The following UTS2B variants were observed in gnomAD, a reference collection of about 807,000 sequenced individuals.
The protein encoded by UTS2B is urotensin 2B, also known as urotensin-2B.
Under a neutral mutation model 19.2 loss-of-function variants are expected in UTS2B, and 21 were observed. The observed-to-expected ratio is 1.09, with a 90% CI of 0.78 to 1.58. The LOEUF is 1.58. Ranked by LOEUF, UTS2B falls within the 40% of genes most tolerant of loss-of-function variation. The probability of loss-of-function intolerance (pLI) is 0.00; values close to 1 mark genes in which losing one functional copy is unlikely to be tolerated. For missense variants in UTS2B, 138 were observed against 130.3 expected, an observed-to-expected ratio of 1.06 and a Z score of -0.29; for synonymous variants, 57 against 50.2, an observed-to-expected ratio of 1.14 and a Z score of -0.58.
chr3:191,297,055 A>C (rs1236768675), intron 4 of UTS2B, among the ~76,000 whole-genome samples: 1 of 152,058 alleles, frequency 6.6e-6, no homozygotes, highest in Admixed American at 6.5e-5. Context: ...AGAAAAAAAA[A>C]CCTTTTCTTT....
At chr3:191,269,885 C>T (rs1186873073) in intron 8 of UTS2B, among the ~76,000 whole-genome samples, 1 of 152,194 alleles carries the variant, frequency 6.6e-6, no homozygotes, top group Non-Finnish European at 1.5e-5. Context: ...ATACTGGTGG[C>T]AGAGCCAATT....
chr3:191,329,370 C>G (rs1717856294), intron 1 of UTS2B: 1 of 348,832 alleles, frequency 2.9e-6, no homozygotes, highest in Non-Finnish European at 5.1e-6. Flanking sequence ...TCCTCTCTCC[C>G]TCCGTACTGG....
intron 8 of UTS2B, chr3:191,273,360 A>G: frequency 2.4e-6 from 1 of 415,014 alleles, no homozygotes; most frequent in Non-Finnish European, 4.9e-6. Flanking sequence ...ACCAAGTACT[A>G]TAGGTACTTC....
chr3:191,345,206 G>A, the UTS2B span, among the ~76,000 whole-genome samples: 1 of 152,124 alleles, frequency 6.6e-6, no homozygotes, highest in Admixed American at 6.5e-5. Flanking sequence ...CTTTTCTTGG[G>A]TAGCTTCTGT....
intron 7 of UTS2B, 127 bp from the exon 8 acceptor site, chr3:191,275,472 C>A (rs553745032): frequency 2.0e-5 from 13 of 652,042 alleles, no homozygotes; most frequent in Admixed American, 7.0e-5. Flanking sequence ...CGAGGTCAGG[C>A]GATCAAGACC....
At chr3:191,317,801 AAC>A (rs1717506703) in intron 2 of UTS2B, among the ~76,000 whole-genome samples, 1 of 152,182 alleles carries the variant, frequency 6.6e-6, no homozygotes, top group African/African-American at 2.4e-5. Context: ...ACTGGTCTCG[AAC>A]TCCTGACCTC....
intron 3 of UTS2B, among the ~76,000 whole-genome samples, chr3:191,310,916 T>C (rs149734370): frequency 4.3e-4 from 66 of 152,358 alleles, no homozygotes; most frequent in African/African-American, 1.5e-3. Context: ...TTATTTGTTA[T>C]CTTTAGGGTC....
Position 191,290,388 on chromosome 3 carries a change from C to T in UTS2B, c.-124-8075G>A, listed in dbSNP as rs1716678274. Reference sequence around the variant, plus strand: ...TATTGAGCAATCATCACATGCCAGGCCCTGTACTAAGCACCTCACAAATAG... The same window carrying T: ...TATTGAGCAATCATCACATGCCAGGTCCTGTACTAAGCACCTCACAAATAG... On this transcript the variant is annotated intron_variant, in intron 4 of 8. Coordinates refer to ENST00000340524, the MANE Select transcript of UTS2B (RefSeq NM_198152.5). 2.0e-5 allele frequency among the ~76,000 whole-genome samples: 3 copies of T among 152,148 alleles called. No individual in the cohort carries two copies. In the South Asian group the frequency reaches 6.2e-4, roughly 32 times the overall value.
intron 2 of UTS2B, among the ~76,000 whole-genome samples, chr3:191,319,050 T>C (rs16866481): frequency 0.036 from 5,503 of 152,212 alleles, 265 homozygotes; most frequent in East Asian, 0.21. Flanking sequence ...ACGAGATGTT[T>C]ATAGCTAACA....
At chr3:191,278,365 CAG>C (rs1309126456) in intron 5 of UTS2B, among the ~76,000 whole-genome samples, 195 bp from the exon 6 acceptor site, 1 of 151,824 alleles carries the variant, frequency 6.6e-6, no homozygotes, top group Non-Finnish European at 1.5e-5. Flanking sequence ...CAGACAGACA[CAG>C]AGAGAGAATA....
chr3:191,312,493 C>T (rs1024615931), intron 3 of UTS2B, among the ~76,000 whole-genome samples: 63 of 152,114 alleles, frequency 4.1e-4, no homozygotes, highest in African/African-American at 1.5e-3. Flanking sequence ...TATTCCTGGC[C>T]TCAGGGACCC....
chr3:191,280,040 C>T (rs192788068), intron 5 of UTS2B, among the ~76,000 whole-genome samples: 62 of 152,082 alleles, frequency 4.1e-4, no homozygotes, highest in African/African-American at 1.3e-3. Context: ...TGCTCCAATA[C>T]GAGAGAGTGT....
chr3:191,300,852 A>C (rs1299033775), intron 4 of UTS2B, among the ~76,000 whole-genome samples: 2 of 152,202 alleles, frequency 1.3e-5, no homozygotes, highest in Non-Finnish European at 2.9e-5. Context: ...GTATAATTGT[A>C]AGATTTCTGA....
chr3:191,300,558 G>C (rs537247591), intron 4 of UTS2B, among the ~76,000 whole-genome samples: 11 of 152,328 alleles, frequency 7.2e-5, no homozygotes, highest in African/African-American at 2.6e-4. Context: ...TGCTGAGAAG[G>C]GATGGCTGTA....
intron 3 of UTS2B, among the ~76,000 whole-genome samples, chr3:191,308,277 A>G (rs2108600309): frequency 6.6e-6 from 1 of 152,356 alleles, no homozygotes; most frequent in South Asian, 2.1e-4. Flanking sequence ...GCTAAGCCAC[A>G]TGAATACGTC....
At chr3:191,312,096 G>C (rs542984874) in intron 3 of UTS2B, among the ~76,000 whole-genome samples, 2 of 151,124 alleles carry the variant, frequency 1.3e-5, no homozygotes, top group African/African-American at 2.4e-5. Flanking sequence ...AGGTTGCAGC[G>C]AGCCGAGGTT....
chr3:191,292,397 T>C (rs1357277627), intron 4 of UTS2B, among the ~76,000 whole-genome samples: 1 of 152,210 alleles, frequency 6.6e-6, no homozygotes, highest in Non-Finnish European at 1.5e-5. Context: ...TTTTATTTTT[T>C]GCGTTGTTCT....
At chr3:191,288,381 C>T (rs530197605) in intron 4 of UTS2B, among the ~76,000 whole-genome samples, 2 of 152,238 alleles carry the variant, frequency 1.3e-5, no homozygotes, top group African/African-American at 4.8e-5. Context: ...CAATATACTA[C>T]AATACTATCA....
chr3:191,302,400 C>CA (rs1221822367), intron 4 of UTS2B, among the ~76,000 whole-genome samples: 2 of 152,176 alleles, frequency 1.3e-5, no homozygotes, highest in African/African-American at 2.4e-5. Flanking sequence ...CACAGCCAAC[C>CA]AGCAGCCCTC....
Sources: allele counts gnomAD v4.1 joint callset (sites outside exome capture counted in the v4.1 genomes callset), GRCh38; gene constraint gnomAD v4.1.1; transcripts MANE v1.5; gene names NCBI Gene and HGNC (gene_info 2026-07-23, HGNC 2026-07-21).